PIK3CA: variants seen among roughly 807,000 people sequenced by gnomAD.
PIK3CA encodes phosphatidylinositol 4,5-bisphosphate 3-kinase catalytic subunit alpha isoform.
Under a neutral mutation model 138.2 loss-of-function variants are expected in PIK3CA, and 27 were observed. The ratio of observed to expected loss-of-function variants is 0.20; its 90% confidence interval spans 0.14 to 0.27. PIK3CA has a LOEUF of 0.27. Ranked by LOEUF, PIK3CA falls within the 10% of genes least tolerant of loss-of-function variation. The pLI is 1.00. For synonymous variants in PIK3CA, 358 were observed against 413.2 expected (o/e 0.87, Z 1.62); for missense variants, 544 against 1,277.4 (o/e 0.43, Z 8.75).
chr3:179,231,149 G>T (rs1393828955), intron 20 of PIK3CA, among the ~76,000 whole-genome samples: 1 of 152,080 alleles, frequency 6.6e-6, no homozygotes, highest in Non-Finnish European at 1.5e-5. Flanking sequence ...ATTCTTTTCT[G>T]TGGTGGAGTA....
At chr3:179,208,393 C>G (rs1724623154) in intron 6 of PIK3CA, among the ~76,000 whole-genome samples, 1 of 152,076 alleles carries the variant, frequency 6.6e-6, no homozygotes, top group African/African-American at 2.4e-5. Context: ...GGGACAATTG[C>G]TATTCTAATT....
At chr3:179,179,732 G>A (rs1256793957) in intron 1 of PIK3CA, among the ~76,000 whole-genome samples, 1 of 152,106 alleles carries the variant, frequency 6.6e-6, no homozygotes, top group Non-Finnish European at 1.5e-5. Context: ...TATTTGGATA[G>A]GAAAAACATC....
chr3:179,234,655 A>T lies in PIK3CA; in HGVS notation c.*291A>T, dbSNP rs200925271. ...TTGAAGATTGTTTGTATCTTTTTTT[A>T]AAAAACAAAACAAAACAAAAATCCC... is the stretch of plus-strand genomic sequence containing the variant. On this transcript the variant is annotated 3_prime_UTR_variant, in exon 21 of 21. Transcript: ENST00000263967. This position sits in a 1 kb window ranked among gnomAD's most constrained non-coding sequence, Gnocchi z 5.1. The T allele has an allele frequency of 3.6e-6, 1 of 277,702 alleles. No individual in the cohort carries two copies. The highest frequency in any genetic ancestry group is 6.7e-6 in the Non-Finnish European group (1 of 149,260). 17.2% of individuals were successfully genotyped at this position (277,702 alleles called of 1,614,324 possible). A position where few individuals can be genotyped will look rare whatever the true frequency, so the allele number is the denominator to read the frequency against.
intron 1 of PIK3CA, among the ~76,000 whole-genome samples, chr3:179,177,551 G>A (rs1473464620): frequency 6.6e-6 from 1 of 152,026 alleles, no homozygotes; most frequent in African/African-American, 2.4e-5. Context: ...GATCTCAGGT[G>A]ATCCGCCCGC....
At chr3:179,151,618 T>G (rs1576909564) in intron 1 of PIK3CA, among the ~76,000 whole-genome samples, 1 of 152,204 alleles carries the variant, frequency 6.6e-6, no homozygotes, top group East Asian at 1.9e-4. Flanking sequence ...GAAATGCTAA[T>G]AGAAAAGGAT....
Position 179,199,001 on chromosome 3 carries a change from A to G in PIK3CA, c.176A>G (p.His59Arg). ...AAAGAAGCAAGAAAATACCCCCTCC[A>G]TCAACTTCTTCAAGATGAATCTTCT... ...LFKEARKYPL[H>R]QLLQDESSYI... The change falls in exon 2 of 21, where the codon CAT (histidine) becomes CGT (arginine). Residue 59 changes from histidine (H) to arginine (R), a missense_variant. Transcript: ENST00000263967. The G allele has an allele frequency of 6.2e-7, 1 of 1,613,374 alleles. No homozygotes were observed. Among genetic ancestry groups the G allele is most frequent in the Non-Finnish European group, 8.5e-7 (1 of 1,179,770 alleles).
In PIK3CA at chr3:179,219,523, A is replaced by G; in HGVS notation, c.1747-48A>G. ...GCAGTGTTTTAGATGGCTCATTCAC[A>G]ACTATCTTTCCCCTTTAAATATGAT... On this transcript the variant is annotated intron_variant, in intron 11 of 20. Transcript: ENST00000263967. This position sits in a 1 kb window ranked among gnomAD's most constrained non-coding sequence, Gnocchi z 4.2. The G allele has an allele frequency of 1.1e-6, 1 of 916,748 alleles. No individual in the cohort carries two copies. The highest frequency in any genetic ancestry group is 1.7e-6 in the Non-Finnish European group (1 of 579,746). The allele number at this position is 916,748 out of a possible 1,614,324, so 56.8% of individuals were successfully genotyped here.
intron 1 of PIK3CA, among the ~76,000 whole-genome samples, chr3:179,148,916 C>A (rs1012192894): frequency 6.6e-6 from 1 of 152,148 alleles, no homozygotes; most frequent in Non-Finnish European, 1.5e-5. Context: ...GCGCCCAGGG[C>A]CGCCGCCCCG....
At chr3:179,158,518 CAA>C (rs1331536310) in intron 1 of PIK3CA, among the ~76,000 whole-genome samples, 2 of 152,032 alleles carry the variant, frequency 1.3e-5, no homozygotes, top group Non-Finnish European at 2.9e-5. Context: ...GCACTAAAGA[CAA>C]GAGTTGTGTC....
intron 7 of PIK3CA, 97 bp from the exon 8 acceptor site, chr3:179,210,089 A>T: frequency 1.1e-6 from 1 of 897,846 alleles, no homozygotes. Flanking sequence ...TCCCATTATT[A>T]TAGAGATGAT....
chr3:179,199,226 C>T, intron 2 of PIK3CA, 49 bp downstream of exon 2: 1 of 1,182,868 alleles, frequency 8.5e-7, no homozygotes, highest in African/African-American at 1.5e-5. Context: ...TAAAGCTTAA[C>T]TGTTGTCCCT....
At chr3:179,212,757 G>A (rs1339854078) in intron 9 of PIK3CA, among the ~76,000 whole-genome samples, 1 of 151,994 alleles carries the variant, frequency 6.6e-6, no homozygotes, top group Non-Finnish European at 1.5e-5. Flanking sequence ...CAAAATAAAT[G>A]TATAGTATCA....
In PIK3CA at chr3:179,197,765, A is replaced by G. The variant is rs147180420; in HGVS notation, c.-76-985A>G. On this transcript the variant is annotated intron_variant, in intron 1 of 20. Transcript: ENST00000263967. Reference sequence around the variant, plus strand: ...GGTATCTCTCACTTTGCCTTTTGATATACTCTTACAGTTTCGCTCACTGAG... The same window carrying G: ...GGTATCTCTCACTTTGCCTTTTGATGTACTCTTACAGTTTCGCTCACTGAG... Among the ~76,000 whole-genome samples, 1,003 of 152,226 alleles carry G rather than the reference A, an allele frequency of 6.6e-3. 4 individuals are homozygous for G. The highest frequency in any genetic ancestry group is 0.011 in the Non-Finnish European group (752 of 67,994).
In PIK3CA at chr3:179,238,785, T is replaced by G. The variant is rs1185583810; in HGVS notation, c.*4421T>G. ...CACACAATTCTGTTTGTGTACACAC[T>G]GCTTGCTTAGCCCTAGTCAAGAGGC... On this transcript the variant is annotated 3_prime_UTR_variant, in exon 21 of 21. Coordinates refer to ENST00000263967, the MANE Select transcript of PIK3CA (RefSeq NM_006218.4). 4.4e-6 allele frequency: 1 copy of G among 225,008 alleles called. No homozygotes were observed. Among genetic ancestry groups the G allele is most frequent in the African/African-American group, 2.2e-5 (1 of 44,882 alleles). The allele number at this position is 225,008 out of a possible 1,614,324, so 13.9% of individuals were successfully genotyped here.
At chr3:179,228,039 AT>A (rs1323028893) in intron 17 of PIK3CA, among the ~76,000 whole-genome samples, 2 of 152,084 alleles carry the variant, frequency 1.3e-5, no homozygotes, top group Admixed American at 1.3e-4. Flanking sequence ...AGACATGGAT[AT>A]TTGGCAGACA....
rs1327159079 is a variant in PIK3CA, at chr3:179,237,413, A to G, written c.*3049A>G. 1 of 196,628 alleles carries G rather than the reference A, an allele frequency of 5.1e-6. No individual in the cohort carries two copies. The highest frequency in any genetic ancestry group is 2.3e-5 in the African/African-American group (1 of 43,290). 12.2% of individuals were successfully genotyped at this position (196,628 alleles called of 1,614,324 possible). On this transcript the variant is annotated 3_prime_UTR_variant, in exon 21 of 21. Coordinates refer to ENST00000263967, the MANE Select transcript of PIK3CA (RefSeq NM_006218.4). ...TGGGAACCTGGTGAATATATAATGA[A>G]TTGTAAAATATTTTAATGTGTAACT... is the stretch of plus-strand genomic sequence containing the variant.
At chr3:179,153,584 T>G (rs2108348886) in intron 1 of PIK3CA, among the ~76,000 whole-genome samples, 1 of 152,338 alleles carries the variant, frequency 6.6e-6, no homozygotes, top group Non-Finnish European at 1.5e-5. Flanking sequence ...ATGTTTAGAC[T>G]TGGGTCCCTA....
chr3:179,217,651 T>C (rs1215008679), intron 9 of PIK3CA, among the ~76,000 whole-genome samples: 2 of 152,014 alleles, frequency 1.3e-5, no homozygotes, highest in Admixed American at 6.6e-5. Flanking sequence ...CTTGGAATTA[T>C]ACAAAAAAAT....
intron 7 of PIK3CA, among the ~76,000 whole-genome samples, 162 bp downstream of exon 7, chr3:179,209,862 G>A (rs1724663349): frequency 6.6e-6 from 1 of 152,020 alleles, no homozygotes; most frequent in African/African-American, 2.4e-5. Flanking sequence ...AATACCTTGG[G>A]AGAGCTTCAG....
Sources: gnomAD v4.1 joint callset for allele counts (sites outside exome capture counted in the v4.1 genomes callset) on GRCh38, gnomAD v4.1.1 for gene constraint, Gnocchi (gnomAD v3.1) non-coding constraint, MANE v1.5 for transcripts, NCBI Gene and HGNC (gene_info 2026-07-23, HGNC 2026-07-21) for gene names.